The following CBR4 variants were observed in gnomAD, a reference collection of about 807,000 sequenced individuals.
CBR4 encodes 3-oxoacyl-[acyl-carrier-protein] reductase.
In CBR4, 22 loss-of-function variants were observed where a neutral mutation model predicts 21.0. The ratio of observed to expected loss-of-function variants is 1.05; its 90% CI spans 0.75 to 1.50. The LOEUF (loss-of-function observed/expected upper bound fraction) is 1.50. Ranked by LOEUF, CBR4 falls within the 40% of genes most tolerant of loss-of-function variation. CBR4 has a pLI of 0.00. For synonymous variants in CBR4, 100 were observed against 104.4 expected, an observed-to-expected ratio of 0.96 and a Z score of 0.26; for missense variants, 302 against 286.3, an observed-to-expected ratio of 1.05 and a Z score of -0.40.
At chr4:168,978,662 G>A (rs1476700085) in intron 2 of CBR4, among the ~76,000 whole-genome samples, 1 of 152,202 alleles carries the variant, frequency 6.6e-6, no homozygotes, top group East Asian at 1.9e-4. Flanking sequence ...CGTGTGGAGT[G>A]TGCCACTCAG....
chr4:168,957,230 C>T (rs748372919), intron 2 of CBR4, among the ~76,000 whole-genome samples: 5 of 152,082 alleles, frequency 3.3e-5, no homozygotes, highest in Admixed American at 6.6e-5. Context: ...CAATATTAAA[C>T]ATTCTTATTT....
rs576110007 is a variant in CBR4 at position 168,996,149 on chromosome 4, G to A, written c.536-5821C>T. Among the ~76,000 whole-genome samples, 145 of 152,326 alleles carry A rather than the reference G, an allele frequency of 9.5e-4. 1 individual carries two copies. The highest frequency in any genetic ancestry group is 3.4e-3 in the African/African-American group (140 of 41,564). On this transcript the variant is annotated intron_variant, in intron 4 of 4. Coordinates refer to ENST00000306193, the MANE Select transcript of CBR4 (RefSeq NM_032783.5). ...GAATAACAAATATCAGGGGACAGCT[G>A]CTAGCCATCACTGAACTCTGCACTA...
chr4:168,927,396 T>C (rs1762698434), intron 2 of CBR4: 1 of 228,048 alleles, frequency 4.4e-6, no homozygotes, highest in Non-Finnish European at 8.5e-6. Context: ...GGAGCACACA[T>C]GCTGTGGAGC....
At chr4:169,007,819 T>C (rs1205428404) in intron 1 of CBR4, 63 bp from the exon 2 acceptor site, 2 of 1,235,878 alleles carry the variant, frequency 1.6e-6, no homozygotes, top group Non-Finnish European at 2.3e-6. Context: ...TCAATACACA[T>C]TTGTTAAGCA....
rs766847830 is a variant in CBR4, at chr4:168,943,481, A to T, written n.170-48716T>A. On this transcript the variant is annotated intron_variant and non_coding_transcript_variant, in intron 2 of 3. Transcript: ENST00000509108. ...TAGTCATGCTTGAGAAAGCTAACTCAGCCATTGGTAAGTTGAGCAGAGCTC... is the reference window on the plus strand; with the variant it reads ...TAGTCATGCTTGAGAAAGCTAACTCTGCCATTGGTAAGTTGAGCAGAGCTC... Among the ~76,000 whole-genome samples, 20 of 152,348 alleles carry T rather than the reference A, an allele frequency of 1.3e-4. 1 individual carries two copies. The highest frequency in any genetic ancestry group is 3.4e-3 in the Middle Eastern group (1 of 294).
chr4:168,908,381 GT>G (rs753137733), intron 2 of CBR4, among the ~76,000 whole-genome samples: 1 of 152,110 alleles, frequency 6.6e-6, no homozygotes, highest in Non-Finnish European at 1.5e-5. Context: ...TTCTGGAAAT[GT>G]TTAATGCTCT....
At chr4:168,940,351 A>G (rs889844145) in intron 2 of CBR4, among the ~76,000 whole-genome samples, 2 of 152,254 alleles carry the variant, frequency 1.3e-5, no homozygotes, top group Non-Finnish European at 2.9e-5. Context: ...AAGGAAACCT[A>G]GGCAATACCA....
At chr4:168,993,391 A>G (rs1441095002) in intron 4 of CBR4, among the ~76,000 whole-genome samples, 1 of 152,066 alleles carries the variant, frequency 6.6e-6, no homozygotes, top group Non-Finnish European at 1.5e-5. Context: ...TTGTATTACT[A>G]GTAGAGACGG....
chr4:168,907,636 C>T (rs1348266738), intron 2 of CBR4, among the ~76,000 whole-genome samples: 4 of 152,142 alleles, frequency 2.6e-5, no homozygotes, highest in African/African-American at 7.2e-5. Flanking sequence ...TGGTTACTGC[C>T]CTTATTCCAG....
intron 4 of CBR4, among the ~76,000 whole-genome samples, chr4:168,991,424 T>G (rs551965521): frequency 6.6e-6 from 1 of 152,346 alleles, no homozygotes; most frequent in African/African-American, 2.4e-5. Context: ...AGTGGTCACA[T>G]GAACTGATTT....
intron 2 of CBR4, among the ~76,000 whole-genome samples, chr4:168,951,535 T>C (rs1333206080): frequency 6.6e-6 from 1 of 152,238 alleles, no homozygotes; most frequent in Admixed American, 6.5e-5. Flanking sequence ...TTTAAAGAGG[T>C]TCTGCTTTGA....
chr4:168,926,188 CT>C (rs1762558642), intron 2 of CBR4: 2 of 1,489,452 alleles, frequency 1.3e-6, no homozygotes, highest in South Asian at 2.6e-5. Context: ...GATTAAAAAT[CT>C]TAATTTACTC....
At chr4:168,914,527 A>G (rs746656558) in intron 2 of CBR4, among the ~76,000 whole-genome samples, 1 of 152,256 alleles carries the variant, frequency 6.6e-6, no homozygotes, top group African/African-American at 2.4e-5. Flanking sequence ...TTAAATACTC[A>G]GATATCTGCT....
chr4:168,921,420 A>T, intron 2 of CBR4: 1 of 667,074 alleles, frequency 1.5e-6, no homozygotes, highest in Non-Finnish European at 2.5e-6. Flanking sequence ...AAAAAAAAAA[A>T]AAAAAAGCCA....
intron 3 of CBR4, among the ~76,000 whole-genome samples, chr4:169,004,325 T>C (rs759811526): frequency 3.7e-4 from 56 of 152,198 alleles, no homozygotes; most frequent in Admixed American, 1.1e-3. Flanking sequence ...AATATAACTT[T>C]TACATGCACT....
chr4:168,991,614 C>A (rs1490114947), intron 4 of CBR4, among the ~76,000 whole-genome samples: 1 of 152,128 alleles, frequency 6.6e-6, no homozygotes, highest in East Asian at 1.9e-4. Context: ...TAATATATAA[C>A]CAACCAATCC....
intron 3 of CBR4, among the ~76,000 whole-genome samples, chr4:169,002,759 A>G (rs1287552544): frequency 1.0e-4 from 14 of 136,114 alleles, no homozygotes; most frequent in African/African-American, 3.9e-4. Flanking sequence ...TTTTTTTTTT[A>G]ACAAATTGAA....
downstream of CBR4, among the ~76,000 whole-genome samples, chr4:168,984,169 G>A (rs1037154896): frequency 2.0e-5 from 3 of 152,082 alleles, no homozygotes; most frequent in South Asian, 4.1e-4. Flanking sequence ...TATCGTCTAT[G>A]CCCAAAGGCT....
At chr4:168,928,690 A>G (rs1452223335) in intron 2 of CBR4, among the ~76,000 whole-genome samples, 2 of 152,190 alleles carry the variant, frequency 1.3e-5, no homozygotes, top group Non-Finnish European at 2.9e-5. Context: ...GTGCAATTGT[A>G]GAAGAGACGT....
Sources: allele counts gnomAD v4.1 joint callset (sites outside exome capture counted in the v4.1 genomes callset), GRCh38; gene constraint gnomAD v4.1.1; transcripts MANE v1.5; gene names NCBI Gene and HGNC (gene_info 2026-07-23, HGNC 2026-07-21).